The following SGCB variants were observed in gnomAD, a reference collection of about 807,000 sequenced individuals.
SGCB encodes the protein sarcoglycan beta.
SGCB carries 25 observed loss-of-function variants against 27.3 expected under a neutral mutation model. That is an observed-to-expected ratio of 0.92 (90% CI 0.67 to 1.28). The LOEUF is 1.28. Among genes scored for constraint, SGCB ranks in the 50% most tolerant of loss-of-function variants. SGCB has a pLI of 0.00. For missense variants in SGCB, 436 were observed against 402.1 expected, an observed-to-expected ratio of 1.08 and a Z score of -0.72; for synonymous variants, 147 against 133.5, an observed-to-expected ratio of 1.10 and a Z score of -0.70.
chr4:52,035,601 A>T (rs1737366656), intron 1 of SGCB, among the ~76,000 whole-genome samples: 1 of 152,172 alleles, frequency 6.6e-6, no homozygotes, highest in African/African-American at 2.4e-5. Context: ...AGAGTGTTAA[A>T]GGTGTGGGCA....
chr4:52,031,024 A>AT (rs1737230586), intron 2 of SGCB, among the ~76,000 whole-genome samples: 1 of 151,994 alleles, frequency 6.6e-6, no homozygotes, highest in Admixed American at 6.6e-5. Flanking sequence ...TTCCATTCTG[A>AT]TTTTGTATTC....
chr4:52,029,602 A>C, intron 3 of SGCB, 76 bp downstream of exon 3: 1 of 893,494 alleles, frequency 1.1e-6, no homozygotes, highest in Non-Finnish European at 1.9e-6. Context: ...CCAATAATCA[A>C]CTAGGTTTTT....
At chr4:52,029,476 G>C (rs543842815) in intron 3 of SGCB, among the ~76,000 whole-genome samples, 4 of 152,022 alleles carry the variant, frequency 2.6e-5, no homozygotes, top group Non-Finnish European at 5.9e-5. Flanking sequence ...GATGATAAAA[G>C]CAATAGTATT....
chr4:52,027,492 A>G (rs908023425), intron 5 of SGCB, among the ~76,000 whole-genome samples: 1 of 151,648 alleles, frequency 6.6e-6, no homozygotes, highest in Non-Finnish European at 1.5e-5. Flanking sequence ...ATCATTGGAT[A>G]TGAAACTCAG....
chr4:52,032,987 T>A (rs531184240), intron 2 of SGCB, among the ~76,000 whole-genome samples: 9 of 152,236 alleles, frequency 5.9e-5, no homozygotes, highest in Non-Finnish European at 1.2e-4. Context: ...AACCTTTTAC[T>A]GCCATCAAAG....
chr4:52,025,127 T>C (rs1484839946), intron 5 of SGCB, among the ~76,000 whole-genome samples: 37 of 152,178 alleles, frequency 2.4e-4, no homozygotes, highest in Non-Finnish European at 4.4e-5. Context: ...GACACTATTC[T>C]AGGTGCTGGG....
At chr4:52,026,418 C>G (rs962545519) in intron 5 of SGCB, among the ~76,000 whole-genome samples, 2 of 151,770 alleles carry the variant, frequency 1.3e-5, no homozygotes. Context: ...GCCACCACGC[C>G]CAGGTAATTT....
At position 52,036,818 on chromosome 4, in the gene SGCB, G is replaced by A. The variant is rs1737406070; in HGVS notation, c.33+1409C>T. Among the ~76,000 whole-genome samples, 4 of 152,210 alleles carry A rather than the reference G, an allele frequency of 2.6e-5. No individual in the cohort carries two copies. In the South Asian group the frequency reaches 8.3e-4, roughly 32 times the overall value. ...AGGACAGCAGAACATTAAACCAAGT[G>A]CAGGTCCTTCTCAGCTCCCTTAAAA... On this transcript the variant is annotated intron_variant, in intron 1 of 5. Coordinates refer to ENST00000381431, the MANE Select transcript of SGCB (RefSeq NM_000232.5).
intron 5 of SGCB, among the ~76,000 whole-genome samples, chr4:52,024,597 G>C (rs1164861411): frequency 6.6e-6 from 1 of 152,040 alleles, no homozygotes; most frequent in Non-Finnish European, 1.5e-5. Context: ...GGGAGGCCGA[G>C]GTGGGCGGAT....
intron 5 of SGCB, among the ~76,000 whole-genome samples, chr4:52,024,827 CAAAAAAAAAAAAAAA>C (rs3050627): frequency 5.4e-5 from 3 of 55,878 alleles, no homozygotes; most frequent in Non-Finnish European, 6.0e-5. Flanking sequence ...GACACTGTCT[CAAAAAAAAAAAAAAA>C]AAAAAAAAAA....
In SGCB at chr4:52,023,907, TA is replaced by T. The variant is rs754607880; in HGVS notation, c.*49del. 2.7e-6 allele frequency: 4 copies of T among 1,456,238 alleles called. No individual in the cohort carries two copies. Among genetic ancestry groups the T allele is most frequent in the Non-Finnish European group, 3.9e-6 (4 of 1,037,196 alleles). The allele number at this position is 1,456,238 out of a possible 1,614,324, so 90.2% of individuals were successfully genotyped here. On this transcript the variant is annotated 3_prime_UTR_variant, in exon 6 of 6. Coordinates refer to ENST00000381431, the MANE Select transcript of SGCB (RefSeq NM_000232.5). Reference sequence around the variant, plus strand: ...CTGTAAAAACAATGATTTGCATGCATAAAAAAGTCAAGTCAAGATATAAACA... The same window carrying T: ...CTGTAAAAACAATGATTTGCATGCATAAAAAGTCAAGTCAAGATATAAACA...
chr4:52,032,181 C>CA (rs1737266478), intron 2 of SGCB, among the ~76,000 whole-genome samples: 1 of 152,138 alleles, frequency 6.6e-6, no homozygotes, highest in Non-Finnish European at 1.5e-5. Flanking sequence ...CTAGGGATCT[C>CA]ACTGCTTCTT....
At chr4:52,026,250 GTTTTTTTTT>G (rs71193050) in intron 5 of SGCB, among the ~76,000 whole-genome samples, 1 of 101,646 alleles carries the variant, frequency 9.8e-6, no homozygotes, top group Admixed American at 1.0e-4. Flanking sequence ...TTTGTTGTTG[GTTTTTTTTT>G]TTTTTTTTTT....
intron 1 of SGCB, among the ~76,000 whole-genome samples, chr4:52,036,535 G>A (rs1026389330): frequency 7.9e-5 from 12 of 152,174 alleles, no homozygotes; most frequent in Non-Finnish European, 1.5e-4. Flanking sequence ...AGATGAACTG[G>A]AACTGAAGAG....
intron 1 of SGCB, among the ~76,000 whole-genome samples, chr4:52,037,944 C>T (rs1236784417): frequency 2.6e-5 from 4 of 152,144 alleles, no homozygotes; most frequent in African/African-American, 9.6e-5. Flanking sequence ...CTGGCTCGAC[C>T]GCCTCCCAGG....
chr4:52,023,324 G>A lies in SGCB; in HGVS notation c.*633C>T, dbSNP rs1476922719. On this transcript the variant is annotated 3_prime_UTR_variant, in exon 6 of 6. Coordinates refer to ENST00000381431, the MANE Select transcript of SGCB (RefSeq NM_000232.5). The stretch of plus-strand genomic sequence containing the variant: ...ATTATTATTTAAAAGTTAAAGCTGA[G>A]ATGGTGTTTTAATTTCCACCACATT... The A allele has an allele frequency of 6.5e-6, 1 of 152,696 alleles. No individual in the cohort carries two copies. The highest frequency in any genetic ancestry group is 1.5e-5 in the Non-Finnish European group (1 of 68,330). The allele number at this position is 152,696 out of a possible 1,614,324, so 9.5% of individuals were successfully genotyped here.
intron 1 of SGCB, among the ~76,000 whole-genome samples, chr4:52,033,936 G>C (rs1737317045): frequency 6.6e-6 from 1 of 152,108 alleles, no homozygotes; most frequent in South Asian, 2.1e-4. Flanking sequence ...GTATCCTATA[G>C]TGAGTAACTG....
chr4:52,022,279 G>A lies in SGCB; in HGVS notation c.*1678C>T, dbSNP rs1456672499. ...TAAGGTATTTGATTTTTCTACCAGA[G>A]AGAAATGTGACAATATTGAATACAA... On this transcript the variant is annotated 3_prime_UTR_variant, in exon 6 of 6. Coordinates refer to ENST00000381431, the MANE Select transcript of SGCB (RefSeq NM_000232.5). 6.6e-6 allele frequency: 1 copy of A among 152,182 alleles called. No homozygotes were observed. The highest frequency in any genetic ancestry group is 1.9e-4 in the East Asian group (1 of 5,194). The allele number at this position is 152,182 out of a possible 1,614,324, so 9.4% of individuals were successfully genotyped here.
At chr4:52,030,738 C>G (rs929026263) in intron 2 of SGCB, among the ~76,000 whole-genome samples, 1 of 152,202 alleles carries the variant, frequency 6.6e-6, no homozygotes, top group Non-Finnish European at 1.5e-5. Flanking sequence ...TCATGCTGAA[C>G]TTCCTTTTGT....
Sources: gnomAD v4.1 joint callset for allele counts (sites outside exome capture counted in the v4.1 genomes callset) on GRCh38, gnomAD v4.1.1 for gene constraint, MANE v1.5 for transcripts, NCBI Gene and HGNC (gene_info 2026-07-23, HGNC 2026-07-21) for gene names.